PRKCH: variants seen among roughly 807,000 people sequenced by gnomAD.
The protein encoded by PRKCH is protein kinase C eta.
A neutral mutation model predicts 82.5 loss-of-function variants in PRKCH; 28 were observed. The observed-to-expected ratio is 0.34, with a 90% CI of 0.25 to 0.47. PRKCH has a LOEUF of 0.47. Among genes scored for constraint, PRKCH ranks in the 20% least tolerant of loss-of-function variants. The probability of loss-of-function intolerance (pLI) is 1.00; values close to 1 mark genes in which losing one functional copy is unlikely to be tolerated. For synonymous variants in PRKCH, 322 were observed against 327.4 expected, an observed-to-expected ratio of 0.98 and a Z score of 0.18; for missense variants, 705 against 881.8, an observed-to-expected ratio of 0.80 and a Z score of 2.54.
chr14:61,294,024 A>G (rs1566809881), intron 1 of PRKCH, among the ~76,000 whole-genome samples: 1 of 152,182 alleles, frequency 6.6e-6, no homozygotes, highest in African/African-American at 2.4e-5. Flanking sequence ...ACGTCAGTCA[A>G]ATTGCCTGCC....
intron 1 of PRKCH, among the ~76,000 whole-genome samples, chr14:61,219,974 G>A (rs948447841): frequency 2.0e-5 from 3 of 152,122 alleles, no homozygotes; most frequent in Non-Finnish European, 2.9e-5. Context: ...ACATTCCTTG[G>A]GAGGCCTCTG....
chr14:61,451,030 TCAGAATTC>T (rs1884487312), intron 6 of PRKCH, 59 bp downstream of exon 6: 6 of 1,571,406 alleles, frequency 3.8e-6, no homozygotes, highest in Non-Finnish European at 4.3e-6. Context: ...CCCTAAGCTT[TCAGAATTC>T]TGTGGACTCA....
At chr14:61,234,223 G>A (rs1342665718) in intron 1 of PRKCH, among the ~76,000 whole-genome samples, 1 of 152,150 alleles carries the variant, frequency 6.6e-6, no homozygotes, top group Non-Finnish European at 1.5e-5. Flanking sequence ...TTGACATAAG[G>A]TTGAAAAACA....
intron 1 of PRKCH, among the ~76,000 whole-genome samples, chr14:61,384,705 CTGAGGGTGCA>C (rs1835614111): frequency 6.6e-6 from 1 of 152,002 alleles, no homozygotes; most frequent in African/African-American, 2.4e-5. Context: ...TTAGATGGCT[CTGAGGGTGCA>C]CGTTGGGAAT....
chr14:61,263,881 GTGTGTGTGTGTGTGTA>G (rs1397106217), intron 1 of PRKCH, among the ~76,000 whole-genome samples: 113 of 136,282 alleles, frequency 8.3e-4, no homozygotes, highest in African/African-American at 3.1e-3. Context: ...GTGTGTGTGT[GTGTGTGTGTGTGTGTA>G]TGTGTGTGTA....
At chr14:61,305,347 CTT>C (rs551126391) in intron 1 of PRKCH, 24 of 141,394 alleles carry the variant, frequency 1.7e-4, no homozygotes, top group Admixed American at 2.1e-4. Flanking sequence ...CCATGCCCAG[CTT>C]TTTTTTTTTT....
rs1886180452 is a variant in PRKCH at position 61,485,541 on chromosome 14, G to C, written c.1318G>C (p.Asp440His). 6.2e-7 allele frequency: 1 copy of C among 1,614,004 alleles called. No individual in the cohort carries two copies. Among genetic ancestry groups the C allele is most frequent in the Non-Finnish European group, 8.5e-7 (1 of 1,180,012 alleles). The change falls in exon 10 of 14, where the codon GAC (aspartate) becomes CAC (histidine). Residue 440 changes from aspartate (D) to histidine (H), a missense_variant. Physicochemically the swap from Asp to His is moderately conservative, Grantham distance 81. Transcript: ENST00000332981. ...TGTGATGGAGTTTGTGAATGGGGGT[G>C]ACTTGATGTTCCACATTCAGAAGTC... ...FFVMEFVNGG[D>H]LMFHIQKSRR...
chr14:61,212,694 CACT>C (rs2044591674), intron 1 of PRKCH, among the ~76,000 whole-genome samples: 1 of 152,128 alleles, frequency 6.6e-6, no homozygotes, highest in Non-Finnish European at 1.5e-5. Context: ...TATGAGCAAC[CACT>C]ATTTGGCAGG....
At chr14:61,490,262 C>A (rs958779149) in intron 10 of PRKCH, among the ~76,000 whole-genome samples, 3 of 152,198 alleles carry the variant, frequency 2.0e-5, no homozygotes, top group African/African-American at 7.2e-5. Flanking sequence ...GCCTTTTACT[C>A]CCATGATTAC....
intron 1 of PRKCH, 38 bp downstream of exon 1, chr14:61,322,502 ACCCCCGTTCC>A: frequency 6.4e-7 from 1 of 1,560,404 alleles, no homozygotes; most frequent in Non-Finnish European, 8.7e-7. Flanking sequence ...TGTCCACCCA[ACCCCCGTTCC>A]CCTTATGTTT....
At chr14:61,424,313 G>A (rs1027537641) in intron 2 of PRKCH, among the ~76,000 whole-genome samples, 4 of 152,196 alleles carry the variant, frequency 2.6e-5, no homozygotes, top group Non-Finnish European at 5.9e-5. Context: ...GCAGAGGTTG[G>A]AACAGTTTGG....
At chr14:61,438,362 T>C (rs1883780814) in intron 2 of PRKCH, among the ~76,000 whole-genome samples, 1 of 152,226 alleles carries the variant, frequency 6.6e-6, no homozygotes, top group African/African-American at 2.4e-5. Context: ...ATCAAAGTTA[T>C]ATTCGCTGTG....
chr14:61,372,957 TGAGAGAGTCCTGCCAGTTGCATCTGA>T (rs1460533393), intron 1 of PRKCH, among the ~76,000 whole-genome samples: 1 of 152,052 alleles, frequency 6.6e-6, no homozygotes, highest in Non-Finnish European at 1.5e-5. Flanking sequence ...ACAGTCCTGC[TGAGAGAGTCCTGCCAGTTGCATCTGA>T]GAGACAGTCC....
At chr14:61,377,849 A>G (rs936347031) in intron 1 of PRKCH, among the ~76,000 whole-genome samples, 1 of 152,162 alleles carries the variant, frequency 6.6e-6, no homozygotes, top group Non-Finnish European at 1.5e-5. Context: ...CTGTCTGTCT[A>G]TTCATTCATC....
chr14:61,405,073 T>G (rs1229253593), intron 2 of PRKCH, among the ~76,000 whole-genome samples: 2 of 152,250 alleles, frequency 1.3e-5, no homozygotes, highest in Non-Finnish European at 1.5e-5. Flanking sequence ...TCACATCTAT[T>G]TATGACTTGA....
intron 2 of PRKCH, among the ~76,000 whole-genome samples, chr14:61,424,938 CTGTT>C (rs1356846489): frequency 3.3e-5 from 5 of 152,226 alleles, no homozygotes; most frequent in Admixed American, 2.6e-4. Context: ...TCAGCTCAGG[CTGTT>C]TGCTTCAGAG....
At chr14:61,494,759 GGTA>G (rs1255108292) in intron 10 of PRKCH, among the ~76,000 whole-genome samples, 3 of 152,200 alleles carry the variant, frequency 2.0e-5, no homozygotes, top group African/African-American at 7.2e-5. Context: ...CTGAATAACA[GGTA>G]ATTCTTCATA....
chr14:61,227,143 A>G (rs1230494925), intron 1 of PRKCH, among the ~76,000 whole-genome samples: 1 of 152,260 alleles, frequency 6.6e-6, no homozygotes, highest in Non-Finnish European at 1.5e-5. Context: ...AAAAGAATCT[A>G]AATAAATTGG....
rs182010232 is a variant in PRKCH, at chr14:61,198,000, G to A, written c.-19+10332G>A. Among the ~76,000 whole-genome samples the A allele has an allele frequency of 6.0e-3, 910 of 152,110 alleles. 9 individuals carry two copies. Among genetic ancestry groups the A allele is most frequent in the African/African-American group, 0.02 (850 of 41,498 alleles). ...AGTAGGTCATCAAAACTGGAATCCC[G>A]TGAGGTTTAAAGTAATTGTTTTGTT... On this transcript the variant is annotated intron_variant, in intron 1 of 3. Transcript: ENST00000555185.
Sources: allele counts gnomAD v4.1 joint callset (sites outside exome capture counted in the v4.1 genomes callset), GRCh38; gene constraint gnomAD v4.1.1; transcripts MANE v1.5; gene names NCBI Gene and HGNC (gene_info 2026-07-23, HGNC 2026-07-21).